Variants in STAB2 observed in about 807,000 individuals in gnomAD.
STAB2 encodes the protein stabilin 2.
In STAB2, 288 loss-of-function variants were observed where a neutral mutation model predicts 338.1. The ratio of observed to expected loss-of-function variants is 0.85; its 90% CI spans 0.77 to 0.94. The LOEUF (loss-of-function observed/expected upper bound fraction) is 0.94, where lower values mean the gene tolerates loss of function less well. Among genes scored for constraint, STAB2 ranks in the 40% least tolerant of loss-of-function variants. The pLI is 0.00. For synonymous variants in STAB2, 1,202 were observed against 1,193.3 expected, an observed-to-expected ratio of 1.01 and a Z score of -0.15; for missense variants, 3,141 against 3,210.1, an observed-to-expected ratio of 0.98 and a Z score of 0.52.
chr12:103,705,769 T>C (rs1274439549), intron 37 of STAB2, 42 bp downstream of exon 37: 5 of 1,580,352 alleles, frequency 3.2e-6, no homozygotes, highest in Admixed American at 1.7e-5. Flanking sequence ...TGCAGCACCA[T>C]TGGGAAAATC....
At chr12:103,756,857 G>A (rs2139217675) in intron 63 of STAB2, among the ~76,000 whole-genome samples, 1 of 152,052 alleles carries the variant, frequency 6.6e-6, no homozygotes, top group South Asian at 2.1e-4. Context: ...ATACACTAGA[G>A]ATGAACACCC....
chr12:103,711,222 C>T (rs1043772210), intron 39 of STAB2: 3 of 540,438 alleles, frequency 5.6e-6, no homozygotes, highest in East Asian at 6.2e-5. Context: ...TTTATTCACT[C>T]TTGCATCCTC....
At chr12:103,652,336 G>T (rs1271269418) in intron 11 of STAB2, among the ~76,000 whole-genome samples, 1 of 152,176 alleles carries the variant, frequency 6.6e-6, no homozygotes, top group African/African-American at 2.4e-5. Context: ...CAACTCTCCA[G>T]GTTTCTACTC....
chr12:103,618,238 C>G (rs1171560321), intron 3 of STAB2, among the ~76,000 whole-genome samples: 1 of 152,084 alleles, frequency 6.6e-6, no homozygotes, highest in African/African-American at 2.4e-5. Context: ...AGAACAGGGC[C>G]CTTATGGATG....
chr12:103,658,813 G>T (rs1207664421), intron 15 of STAB2, among the ~76,000 whole-genome samples: 1 of 152,194 alleles, frequency 6.6e-6, no homozygotes, highest in African/African-American at 2.4e-5. Flanking sequence ...TGGGTGGTTA[G>T]CAAACCAGAC....
rs187112889 is a variant in STAB2, at chr12:103,735,322, C to A, written c.5461-169C>A. ...AAGGAATTTCCAACCTCCCAGAGAG[C>A]CCCGATTATTCTTCCCATTGGTTAT... On this transcript the variant is annotated intron_variant, in intron 51 of 68. Coordinates refer to ENST00000388887, the MANE Select transcript of STAB2 (RefSeq NM_017564.10). Among the ~76,000 whole-genome samples the A allele has an allele frequency of 2.3e-3, 346 of 152,330 alleles. 1 individual carries two copies. Among genetic ancestry groups the A allele is most frequent in the African/African-American group, 7.8e-3 (326 of 41,578 alleles).
chr12:103,748,017 GAAGAA>G (rs1331696881), intron 58 of STAB2, among the ~76,000 whole-genome samples: 13 of 149,244 alleles, frequency 8.7e-5, no homozygotes, highest in African/African-American at 3.2e-4. Context: ...AAAAAAAAGG[GAAGAA>G]GAAGAAGAAA....
chr12:103,676,684 A>G (rs61937831), intron 24 of STAB2, among the ~76,000 whole-genome samples: 2,712 of 152,150 alleles, frequency 0.018, 40 homozygotes, highest in Non-Finnish European at 0.027. Context: ...GCTTTCACTA[A>G]TTCCCTTCAA....
chr12:103,609,505 T>C (rs996616281), intron 3 of STAB2, among the ~76,000 whole-genome samples: 96 of 152,320 alleles, frequency 6.3e-4, no homozygotes, highest in African/African-American at 2.2e-3. Context: ...TATTGGAGTA[T>C]AAGAATGCTT....
chr12:103,704,827 T>C, intron 36 of STAB2: 1 of 480,044 alleles, frequency 2.1e-6, no homozygotes, highest in Non-Finnish European at 3.7e-6. Flanking sequence ...TGGGTTCATA[T>C]GAATCAACAG....
intron 68 of STAB2, among the ~76,000 whole-genome samples, chr12:103,764,751 C>T (rs1676453664): frequency 6.6e-6 from 1 of 151,968 alleles, no homozygotes; most frequent in South Asian, 2.1e-4. Context: ...AACCAGATTG[C>T]AAATCATATT....
rs117793098 is a variant in STAB2 at position 103,638,524 on chromosome 12, A to G, written c.906+312A>G. Among the ~76,000 whole-genome samples, 590 of 152,382 alleles carry G rather than the reference A, an allele frequency of 3.9e-3. 1 individual carries two copies. The highest frequency in any genetic ancestry group is 6.1e-3 in the Non-Finnish European group (412 of 68,040). ...AATTAGATTAACAAATTAACTGTTG[A>G]ACATATGATTGACTTTTACCAGCAA... On this transcript the variant is annotated intron_variant, in intron 8 of 68. Transcript: ENST00000388887.
intron 5 of STAB2, among the ~76,000 whole-genome samples, chr12:103,629,574 G>C (rs760310000): frequency 6.6e-6 from 1 of 152,232 alleles, no homozygotes; most frequent in Non-Finnish European, 1.5e-5. Context: ...CAACACAGAA[G>C]TGGGGGCTTT....
intron 43 of STAB2, among the ~76,000 whole-genome samples, chr12:103,716,226 G>C (rs1453456815): frequency 6.6e-6 from 1 of 152,102 alleles, no homozygotes; most frequent in South Asian, 2.1e-4. Context: ...TTTATCTTTG[G>C]CTTAAGGCTC....
At chr12:103,592,094 A>G (rs896094253) in intron 2 of STAB2, 1 of 152,336 alleles carries the variant, frequency 6.6e-6, no homozygotes, top group Admixed American at 6.5e-5. Flanking sequence ...CTAACCTAGA[A>G]TTAGCAAGCA....
rs150015827 is a variant in STAB2, at chr12:103,588,344, G to A, written c.81+787G>A. Among the ~76,000 whole-genome samples the A allele has an allele frequency of 5.6e-3, 851 of 152,214 alleles. 4 individuals carry two copies. Among genetic ancestry groups the A allele is most frequent in the Non-Finnish European group, 0.01 (684 of 67,996 alleles). Reference sequence around the variant, plus strand: ...TTGGTAGGGGTGAGTTTGAACTGTGGATCTCATTTTTCTGTTTAACAAATA... The same window carrying A: ...TTGGTAGGGGTGAGTTTGAACTGTGAATCTCATTTTTCTGTTTAACAAATA... On this transcript the variant is annotated intron_variant, in intron 1 of 68. Coordinates refer to ENST00000388887, the MANE Select transcript of STAB2 (RefSeq NM_017564.10).
intron 21 of STAB2, among the ~76,000 whole-genome samples, chr12:103,670,232 G>C (rs899023131): frequency 1.3e-5 from 2 of 152,180 alleles, no homozygotes. Flanking sequence ...GCGGCCAGGG[G>C]TTAGAAAGGG....
At position 103,612,973 on chromosome 12, in the gene STAB2, G is replaced by C. The variant is rs183669639; in HGVS notation, c.332-7495G>C. 9.2e-5 allele frequency among the ~76,000 whole-genome samples: 14 copies of C among 152,300 alleles called. No individual in the cohort carries two copies. In the East Asian group the frequency reaches 2.5e-3, roughly 27 times the overall value. On this transcript the variant is annotated intron_variant, in intron 3 of 68. Coordinates refer to ENST00000388887, the MANE Select transcript of STAB2 (RefSeq NM_017564.10). The stretch of plus-strand genomic sequence containing the variant: ...TCCACTCCAGATCCTGTTTGCCTGG[G>C]CATCAGCAGCAGAGGCTGCAGAACA...
chr12:103,739,403 G>T lies in STAB2; in HGVS notation c.5698-9G>T. ...TTGGTTTTCAAGTGTTTCTTTTCTT[G>T]CATACTAGGGGGAGTGTGGGAGCTG... is the stretch of plus-strand genomic sequence containing the variant. On this transcript the variant is annotated splice_polypyrimidine_tract_variant and intron_variant, in intron 53 of 68. Transcript: ENST00000388887. The T allele has an allele frequency of 6.4e-7, 1 of 1,568,066 alleles. No homozygotes were observed. Among genetic ancestry groups the T allele is most frequent in the Non-Finnish European group, 8.6e-7 (1 of 1,159,246 alleles).
Sources: gnomAD v4.1 joint callset for allele counts (sites outside exome capture counted in the v4.1 genomes callset) on GRCh38, gnomAD v4.1.1 for gene constraint, MANE v1.5 for transcripts, NCBI Gene and HGNC (gene_info 2026-07-23, HGNC 2026-07-21) for gene names.